Variants in MRTFA observed in about 807,000 individuals in gnomAD.
The protein encoded by MRTFA is myocardin-related transcription factor A.
In MRTFA, 20 loss-of-function variants were observed where a neutral mutation model predicts 83.5. The ratio of observed to expected loss-of-function variants is 0.24; its 90% confidence interval spans 0.17 to 0.35. The LOEUF (loss-of-function observed/expected upper bound fraction) is 0.35. Ranked by LOEUF, MRTFA falls within the 10% of genes least tolerant of loss-of-function variation. The pLI is 1.00. For synonymous variants in MRTFA, 659 were observed against 541.2 expected (o/e 1.22, Z -3.02); for missense variants, 1,200 against 1,224.7 (o/e 0.98, Z 0.30).
chr22:40,612,585 G>A (rs1339706692), intron 1 of MRTFA, among the ~76,000 whole-genome samples: 1 of 152,082 alleles, frequency 6.6e-6, no homozygotes, highest in African/African-American at 2.4e-5. Context: ...CACATTTTGA[G>A]TGTACAGTTT....
intron 8 of MRTFA, 47 bp from the exon 9 acceptor site, chr22:40,423,732 G>A: frequency 6.8e-7 from 1 of 1,478,924 alleles, no homozygotes; most frequent in Non-Finnish European, 9.1e-7. Context: ...TCCAGGTAGG[G>A]TGTGCCCAGC....
At chr22:40,471,603 C>T (rs1180831571) in intron 3 of MRTFA, among the ~76,000 whole-genome samples, 1 of 152,206 alleles carries the variant, frequency 6.6e-6, no homozygotes. Context: ...TTAATACTGG[C>T]TGGGCGCGGT....
intron 14 of MRTFA, among the ~76,000 whole-genome samples, chr22:40,413,164 AG>A (rs1257483330): frequency 1.4e-5 from 2 of 140,654 alleles, no homozygotes; most frequent in African/African-American, 2.5e-5. Flanking sequence ...AAAAAAAAAA[AG>A]GTTATGATGG....
At chr22:40,560,974 T>C (rs532038420) in intron 2 of MRTFA, among the ~76,000 whole-genome samples, 38 of 152,288 alleles carry the variant, frequency 2.5e-4, no homozygotes, top group African/African-American at 8.7e-4. Context: ...AAAAAGGTGG[T>C]TCTATGCGAC....
intron 3 of MRTFA, among the ~76,000 whole-genome samples, chr22:40,468,430 A>G (rs2053845393): frequency 6.6e-6 from 1 of 152,178 alleles, no homozygotes. Context: ...TGGGGTTAGT[A>G]TGGGAAGAAC....
At chr22:40,536,395 G>A (rs1438337562) in intron 3 of MRTFA, among the ~76,000 whole-genome samples, 3 of 150,688 alleles carry the variant, frequency 2.0e-5, no homozygotes, top group East Asian at 4.0e-4. Flanking sequence ...CTTTGCCGCG[G>A]CGCCGGCGAG....
At chr22:40,564,920 G>C (rs1485205307) in intron 2 of MRTFA, among the ~76,000 whole-genome samples, 1 of 152,100 alleles carries the variant, frequency 6.6e-6, no homozygotes. Flanking sequence ...CAAAGTGCTA[G>C]GATTACAGGC....
intron 2 of MRTFA, among the ~76,000 whole-genome samples, chr22:40,573,247 CT>C (rs945880853): frequency 6.6e-6 from 1 of 151,878 alleles, no homozygotes; most frequent in Non-Finnish European, 1.5e-5. Context: ...TATTTTTGGT[CT>C]TTTTTTTGTT....
At chr22:40,582,160 T>C (rs2055956670) in intron 2 of MRTFA, among the ~76,000 whole-genome samples, 1 of 152,244 alleles carries the variant, frequency 6.6e-6, no homozygotes, top group Admixed American at 6.5e-5. Context: ...ATAAATGGGA[T>C]CATACAGTAT....
rs555925450 is a variant in MRTFA at position 40,494,114 on chromosome 22, T to C, written c.242-30828A>G. 3.9e-5 allele frequency among the ~76,000 whole-genome samples: 6 copies of C among 152,358 alleles called. No individual in the cohort carries two copies. In the South Asian group the frequency reaches 1.2e-3, roughly 32 times the overall value. ...ATATGGTTTATATGTGTCACGTGTATGTGGTATTTCACTACCAAATTATAT... is the reference window on the plus strand; with the variant it reads ...ATATGGTTTATATGTGTCACGTGTACGTGGTATTTCACTACCAAATTATAT... On this transcript the variant is annotated intron_variant, in intron 3 of 14. Coordinates refer to ENST00000355630, the MANE Select transcript of MRTFA (RefSeq NM_020831.6).
chr22:40,448,933 CATCTT>C, intron 4 of MRTFA, among the ~76,000 whole-genome samples: 1 of 152,292 alleles, frequency 6.6e-6, no homozygotes, highest in East Asian at 1.9e-4. Context: ...TGTACCCAGT[CATCTT>C]ATATGCAAAA....
chr22:40,460,489 G>A (rs969425475), intron 4 of MRTFA, among the ~76,000 whole-genome samples: 2 of 152,196 alleles, frequency 1.3e-5, no homozygotes, highest in African/African-American at 4.8e-5. Context: ...TTTTGTGTAT[G>A]GGTACGTTTT....
intron 2 of MRTFA, among the ~76,000 whole-genome samples, chr22:40,572,668 C>G (rs946487524): frequency 6.6e-6 from 1 of 152,140 alleles, no homozygotes; most frequent in Non-Finnish European, 1.5e-5. Flanking sequence ...AACGGACTTA[C>G]AGTTCCACAT....
intron 3 of MRTFA, among the ~76,000 whole-genome samples, chr22:40,493,339 A>T (rs1569295538): frequency 6.6e-6 from 1 of 152,214 alleles, no homozygotes; most frequent in Non-Finnish European, 1.5e-5. Flanking sequence ...CAGTATAGAG[A>T]CACAAAAATG....
chr22:40,582,089 C>G (rs891844207), intron 2 of MRTFA, among the ~76,000 whole-genome samples: 18 of 152,182 alleles, frequency 1.2e-4, no homozygotes, highest in Non-Finnish European at 1.8e-4. Context: ...TCTCTTCCAG[C>G]CCCCAGCAAC....
chr22:40,418,743 G>T lies in MRTFA; in HGVS notation c.1995C>A (p.Ala665=), dbSNP rs759747406. The T allele has an allele frequency of 1.2e-4, 106 of 873,590 alleles. No individual in the cohort carries two copies. The highest frequency in any genetic ancestry group is 1.5e-4 in the Non-Finnish European group (96 of 624,328). The allele number at this position is 873,590 out of a possible 1,614,324, so 54.1% of individuals were successfully genotyped here. A position where few individuals can be genotyped will look rare whatever the true frequency, so the allele number is the denominator to read the frequency against. Residue 665 remains alanine, a synonymous_variant, in exon 12 of 15, where the codon GCC becomes GCA. Transcript: ENST00000355630. Reference sequence around the variant, plus strand: ...GGGTGCCGAGGGGGGCGGGGGCGGGGGCGGGCTGCTGGGCTCGCTTCTCCT... The same window carrying T: ...GGGTGCCGAGGGGGGCGGGGGCGGGTGCGGGCTGCTGGGCTCGCTTCTCCT...
chr22:40,451,557 T>G (rs1358831327), intron 4 of MRTFA, among the ~76,000 whole-genome samples: 1 of 152,028 alleles, frequency 6.6e-6, no homozygotes, highest in Non-Finnish European at 1.5e-5. Context: ...TTCCCAAGAG[T>G]GCAAACTGTT....
At chr22:40,449,839 C>G (rs1217078927) in intron 4 of MRTFA, among the ~76,000 whole-genome samples, 1 of 152,196 alleles carries the variant, frequency 6.6e-6, no homozygotes, top group Non-Finnish European at 1.5e-5. Context: ...TTTTTGCCAT[C>G]TTCCTCACAC....
Position 40,411,335 on chromosome 22 carries a change from G to T in MRTFA, c.*55C>A. 1.3e-6 allele frequency: 2 copies of T among 1,501,224 alleles called. No individual in the cohort carries two copies. Among genetic ancestry groups the T allele is most frequent in the East Asian group, 4.6e-5 (2 of 43,598 alleles). The allele number at this position is 1,501,224 out of a possible 1,614,324, so 93.0% of individuals were successfully genotyped here. ...AGGCCGAATCACGCAGGAGAGCCACGCATTGGAGTACCCTGGCTCCCAGCC... is the reference window on the plus strand; with the variant it reads ...AGGCCGAATCACGCAGGAGAGCCACTCATTGGAGTACCCTGGCTCCCAGCC... On this transcript the variant is annotated 3_prime_UTR_variant, in exon 15 of 15. Coordinates refer to ENST00000355630, the MANE Select transcript of MRTFA (RefSeq NM_020831.6).
Sources: allele counts gnomAD v4.1 joint callset (sites outside exome capture counted in the v4.1 genomes callset), GRCh38; gene constraint gnomAD v4.1.1; transcripts MANE v1.5; gene names NCBI Gene and HGNC (gene_info 2026-07-23, HGNC 2026-07-21).